The following BTAF1 variants were observed in gnomAD, a reference collection of about 807,000 sequenced individuals.
BTAF1 encodes the protein B-TFIID TATA-box binding protein associated factor 1.
Under a neutral mutation model 227.1 loss-of-function variants are expected in BTAF1, and 38 were observed. That is an observed-to-expected ratio of 0.17 (90% CI 0.13 to 0.22). The LOEUF is 0.22. BTAF1 is among the 10% of genes least tolerant of loss of function. BTAF1 has a pLI of 1.00. For missense variants in BTAF1, 1,598 were observed against 2,204.0 expected (o/e 0.73, Z 5.51); for synonymous variants, 742 against 751.9 (o/e 0.99, Z 0.21).
intron 1 of BTAF1, among the ~76,000 whole-genome samples, chr10:91,925,600 A>G (rs1304685046): frequency 1.4e-5 from 2 of 143,594 alleles, no homozygotes; most frequent in African/African-American, 5.0e-5. Flanking sequence ...CAAGCTCCGC[A>G]TCCCGGGTTC....
In BTAF1 at chr10:92,020,411, C is replaced by T. The variant is rs553925499; in HGVS notation, c.4863+1476C>T. ...AATGTTAGCACTATGCCATTTAGTT[C>T]TAACTACCCTTATAAACGAAGATTT... On this transcript the variant is annotated intron_variant, in intron 34 of 37. Coordinates refer to ENST00000265990, the MANE Select transcript of BTAF1 (RefSeq NM_003972.3). Among the ~76,000 whole-genome samples the T allele has an allele frequency of 2.0e-5, 3 of 152,252 alleles. No individual in the cohort carries two copies. In the South Asian group the frequency reaches 6.2e-4, roughly 32 times the overall value.
chr10:91,981,621 A>G (rs1848069493), intron 15 of BTAF1, 22 bp from the exon 16 acceptor site: 2 of 1,558,100 alleles, frequency 1.3e-6, no homozygotes, highest in South Asian at 1.2e-5. Flanking sequence ...ATTCACTTTC[A>G]TGTCCCCCTT....
chr10:91,932,903 G>A lies in BTAF1; in HGVS notation c.15-2754G>A, dbSNP rs577083209. Among the ~76,000 whole-genome samples, 17 of 152,328 alleles carry A rather than the reference G, an allele frequency of 1.1e-4. No homozygotes were observed. The East Asian group carries it at 3.1e-3, about 28-fold the overall frequency. ...GAAGATCACCTCTAGTGGTGTATCT[G>A]GTTAAATTCCAGGTGATATACCCAT... On this transcript the variant is annotated intron_variant, in intron 1 of 37. Coordinates refer to ENST00000265990, the MANE Select transcript of BTAF1 (RefSeq NM_003972.3).
At chr10:92,027,037 G>A (rs1383100684) in intron 36 of BTAF1, 93 bp from the exon 37 acceptor site, 3 of 1,302,252 alleles carry the variant, frequency 2.3e-6, no homozygotes, top group African/African-American at 1.5e-5. Flanking sequence ...TAATTAGGTA[G>A]TATAAAATAG....
chr10:91,979,395 T>C (rs1847924616), intron 14 of BTAF1, among the ~76,000 whole-genome samples: 1 of 152,154 alleles, frequency 6.6e-6, no homozygotes, highest in Non-Finnish European at 1.5e-5. Flanking sequence ...AGGAGTCATG[T>C]GGCCCTTTTA....
chr10:92,024,732 G>GTT (rs1554870028), intron 34 of BTAF1, 24 bp from the exon 35 acceptor site: 1,440 of 1,261,200 alleles, frequency 1.1e-3, no homozygotes, highest in African/African-American at 2.5e-3. Flanking sequence ...CGCTTATGTA[G>GTT]TTTTTTTTTT....
intron 16 of BTAF1, 100 bp from the exon 17 acceptor site, chr10:91,981,981 CTG>C: frequency 1.4e-6 from 2 of 1,410,016 alleles, no homozygotes; most frequent in Non-Finnish European, 1.9e-6. Flanking sequence ...GTGAAAAGAA[CTG>C]TATTTTACTG....
Position 91,992,145 on chromosome 10 carries a change from C to T in BTAF1, c.2881C>T (p.His961Tyr). ...ATCCACCTCAGAAAAAGATGGAATGCACCATACTGTCACCAAGCACAGAGG... is the reference window on the plus strand; with the variant it reads ...ATCCACCTCAGAAAAAGATGGAATGTACCATACTGTCACCAAGCACAGAGG... ...KGSTSEKDGM[H>Y]HTVTKHRGII... Residue 961 changes from histidine (H) to tyrosine (Y), a missense_variant, in exon 21 of 38, where the codon CAC (histidine) becomes TAC (tyrosine). Physicochemically the swap from His to Tyr is moderately conservative, Grantham distance 83. Around this residue, in one of 10 missense-constraint regions of BTAF1, gnomAD observed 425 missense variants for 491.2 expected, o/e 0.87. Transcript: ENST00000265990. The T allele has an allele frequency of 6.2e-7, 1 of 1,600,628 alleles. No individual in the cohort carries two copies. Among genetic ancestry groups the T allele is most frequent in the Non-Finnish European group, 8.5e-7 (1 of 1,174,582 alleles).
At position 91,982,505 on chromosome 10, in the gene BTAF1, G is replaced by A. The variant is rs1315762462; in HGVS notation, c.2049-82G>A. 3.4e-6 allele frequency: 5 copies of A among 1,470,668 alleles called. No homozygotes were observed. The East Asian group carries it at 9.2e-5, about 27-fold the overall frequency. The allele number at this position is 1,470,668 out of a possible 1,614,324, so 91.1% of individuals were successfully genotyped here. On this transcript the variant is annotated intron_variant, in intron 17 of 37. Transcript: ENST00000265990. ...CAAATTTTGCTTCAAGTAATTATAG[G>A]AAATTGAAAAAATTTCCCGAAGTAT...
intron 4 of BTAF1, 21 bp from the exon 5 acceptor site, chr10:91,951,381 CG>C (rs753907409): frequency 1.3e-6 from 2 of 1,597,568 alleles, no homozygotes; most frequent in Non-Finnish European, 1.7e-6. Context: ...TTGGAGAAAA[CG>C]TATTTCTTTT....
chr10:91,963,453 T>C (rs1846667239), intron 12 of BTAF1, among the ~76,000 whole-genome samples: 1 of 151,808 alleles, frequency 6.6e-6, no homozygotes, highest in Admixed American at 6.6e-5. Context: ...TTTGTAGTGA[T>C]GGGGGAGTCC....
At chr10:91,963,853 A>G (rs1055541893) in intron 12 of BTAF1, among the ~76,000 whole-genome samples, 1 of 152,136 alleles carries the variant, frequency 6.6e-6, no homozygotes, top group Non-Finnish European at 1.5e-5. Flanking sequence ...CTGGTCAGGC[A>G]GGGAAGTATC....
At chr10:91,959,935 A>T in intron 10 of BTAF1, 43 bp from the exon 11 acceptor site, 1 of 1,601,326 alleles carries the variant, frequency 6.2e-7, no homozygotes, top group Non-Finnish European at 8.5e-7. Context: ...TCTACAAAAT[A>T]CGTTTTTTGC....
chr10:91,978,225 T>C (rs1300466397), intron 14 of BTAF1, among the ~76,000 whole-genome samples: 3 of 152,202 alleles, frequency 2.0e-5, no homozygotes, highest in Non-Finnish European at 2.9e-5. Context: ...AGAGTAACGA[T>C]GTTTGTAGCC....
intron 19 of BTAF1, among the ~76,000 whole-genome samples, chr10:91,986,166 C>G (rs1848381133): frequency 1.3e-5 from 2 of 152,002 alleles, no homozygotes; most frequent in South Asian, 4.1e-4. Context: ...GTTTGTTTTT[C>G]TTACAGATAT....
chr10:91,991,279 T>TATATATATATATATATATATATATA (rs1256838673), intron 20 of BTAF1, among the ~76,000 whole-genome samples: 1 of 98,422 alleles, frequency 1.0e-5, no homozygotes, highest in Non-Finnish European at 2.3e-5. Flanking sequence ...TAAATATATA[T>TATATATATATATATATATATATATA]ATATATATAT....
intron 6 of BTAF1, 131 bp downstream of exon 6, chr10:91,954,004 A>G (rs186649441): frequency 3.9e-5 from 48 of 1,242,666 alleles, no homozygotes; most frequent in Admixed American, 9.5e-5. Context: ...CTCTTACTCA[A>G]TTGTCAGAGA....
chr10:91,924,401 A>T (rs150809559), intron 1 of BTAF1, among the ~76,000 whole-genome samples: 3 of 151,970 alleles, frequency 2.0e-5, no homozygotes, highest in Non-Finnish European at 4.4e-5. Flanking sequence ...GGAGTCTCTT[A>T]TCTTTCTCAG....
intron 18 of BTAF1, among the ~76,000 whole-genome samples, chr10:91,983,203 A>G (rs1299302242): frequency 1.3e-5 from 2 of 152,218 alleles, no homozygotes; most frequent in African/African-American, 2.4e-5. Flanking sequence ...GAAGAATAAC[A>G]TCTCTGTATT....
Sources: allele counts gnomAD v4.1 joint callset (sites outside exome capture counted in the v4.1 genomes callset), GRCh38; gene constraint gnomAD v4.1.1; regional missense constraint gnomAD v4.1.1; transcripts MANE v1.5; gene names NCBI Gene and HGNC (gene_info 2026-07-23, HGNC 2026-07-21).